Variants in MTHFSD observed in about 807,000 individuals in gnomAD.
MTHFSD encodes methenyltetrahydrofolate synthetase domain containing, also known as methenyltetrahydrofolate synthase domain-containing protein.
Under a neutral mutation model 31.1 loss-of-function variants are expected in MTHFSD, and 37 were observed. That is an observed-to-expected ratio of 1.19 (90% CI 0.91 to 1.56). MTHFSD has a LOEUF of 1.56. Ranked by LOEUF, MTHFSD falls within the 40% of genes most tolerant of loss-of-function variation. MTHFSD has a pLI of 0.00. For missense variants in MTHFSD, 664 were observed against 510.1 expected (o/e 1.30, Z -2.91); for synonymous variants, 221 against 206.9 (o/e 1.07, Z -0.59).
Position 86,530,773 on chromosome 16 carries a change from A to T in MTHFSD, c.*1238T>A, listed in dbSNP as rs891936705. On this transcript the variant is annotated 3_prime_UTR_variant, in exon 8 of 8. Transcript: ENST00000360900. ...TGAATGCCCAATGACAAACGTGACC[A>T]GCCGTGCGGGCGGGGGCAAGGCCAA... 3 of 152,294 alleles carry T rather than the reference A, an allele frequency of 2.0e-5. No individual in the cohort carries two copies. Among genetic ancestry groups the T allele is most frequent in the African/African-American group, 7.2e-5 (3 of 41,470 alleles). The allele number at this position is 152,294 out of a possible 1,614,324, so 9.4% of individuals were successfully genotyped here.
chr16:86,550,967 C>A lies in MTHFSD; in HGVS notation c.237+1066G>T, dbSNP rs561513787. On this transcript the variant is annotated intron_variant, in intron 3 of 7. Transcript: ENST00000360900. Reference sequence around the variant, plus strand: ...CTTGGGTGGGAGAATGGAGTCAGCACACAACGCATGGCAGCGTTAAGGCAG... The same window carrying A: ...CTTGGGTGGGAGAATGGAGTCAGCAAACAACGCATGGCAGCGTTAAGGCAG... Among the ~76,000 whole-genome samples, 12 of 152,318 alleles carry A rather than the reference C, an allele frequency of 7.9e-5. No individual in the cohort carries two copies. In the South Asian group the frequency reaches 1.2e-3, roughly 16 times the overall value.
intron 4 of MTHFSD, chr16:86,547,543 G>C (rs891574196): frequency 1.0e-5 from 10 of 986,546 alleles, no homozygotes; most frequent in Non-Finnish European, 1.2e-5. Flanking sequence ...CATCTCGCAG[G>C]GTCCACGGGG....
chr16:86,541,850 G>A (rs368516318), intron 6 of MTHFSD, 28 bp from the exon 7 acceptor site: 261 of 1,612,668 alleles, frequency 1.6e-4, no homozygotes, highest in Middle Eastern at 3.3e-4. Flanking sequence ...GGATAAAGGG[G>A]CTGCTGGGAA....
intron 3 of MTHFSD, among the ~76,000 whole-genome samples, chr16:86,549,192 G>A (rs776130686): frequency 3.9e-5 from 6 of 152,200 alleles, no homozygotes; most frequent in Non-Finnish European, 7.3e-5. Context: ...GCGCATCAGC[G>A]CTCCTGGCAC....
intron 7 of MTHFSD, among the ~76,000 whole-genome samples, chr16:86,539,604 T>C (rs1325966123): frequency 6.6e-6 from 1 of 152,206 alleles, no homozygotes; most frequent in East Asian, 1.9e-4. Context: ...GGCCACCTGG[T>C]TTCCTTTCTT....
chr16:86,549,560 G>A (rs1301124618), intron 3 of MTHFSD, among the ~76,000 whole-genome samples: 1 of 152,182 alleles, frequency 6.6e-6, no homozygotes, highest in Non-Finnish European at 1.5e-5. Context: ...GGCAGTGTTG[G>A]AGTCCTGTGC....
In MTHFSD at chr16:86,531,876, A is replaced by G. The variant is rs1266569907; in HGVS notation, c.*135T>C. 5 of 538,598 alleles carry G rather than the reference A, an allele frequency of 9.3e-6. No homozygotes were observed. The highest frequency in any genetic ancestry group is 1.5e-5 in the Non-Finnish European group (5 of 330,464). The allele number at this position is 538,598 out of a possible 1,614,324, so 33.4% of individuals were successfully genotyped here. ...GTTCACTGAGCGGTGACTTCTGAGA[A>G]GAATTGAGACCCGAGCAGCTCAGGC... On this transcript the variant is annotated 3_prime_UTR_variant, in exon 8 of 8. Coordinates refer to ENST00000360900, the MANE Select transcript of MTHFSD (RefSeq NM_001159377.2). The surrounding 1 kb of genome is among the most constrained non-coding windows in gnomAD (Gnocchi z 5.5).
intron 7 of MTHFSD, chr16:86,535,432 C>T: frequency 5.1e-6 from 5 of 985,408 alleles, no homozygotes; most frequent in Non-Finnish European, 6.0e-6. Flanking sequence ...AGCAGGGTGT[C>T]TGGACGTCAT....
At chr16:86,534,560 CTCAGAAAGT>C (rs1297580423) in intron 7 of MTHFSD, among the ~76,000 whole-genome samples, 5 of 152,180 alleles carry the variant, frequency 3.3e-5, no homozygotes, top group African/African-American at 1.2e-4. Context: ...ATTCCACCTT[CTCAGAAAGT>C]TCAGGCTTTT....
chr16:86,547,397 C>G lies in MTHFSD; in HGVS notation c.352-748G>C, dbSNP rs918707080. ...AGCAGTAACTGATCATTCGATGTGG[C>G]GGTGGGATCTGCCTGCAGTGCTATG... On this transcript the variant is annotated intron_variant, in intron 4 of 7. Transcript: ENST00000360900. The G allele has an allele frequency of 2.8e-5, 28 of 985,696 alleles. No homozygotes were observed. The South Asian group carries it at 1.1e-3, about 38-fold the overall frequency. 61.1% of individuals were successfully genotyped at this position (985,696 alleles called of 1,614,324 possible). A position where few individuals can be genotyped will look rare whatever the true frequency, so the allele number is the denominator to read the frequency against.
chr16:86,550,487 A>G (rs576652320), intron 3 of MTHFSD, among the ~76,000 whole-genome samples: 19 of 152,298 alleles, frequency 1.2e-4, no homozygotes, highest in Non-Finnish European at 2.2e-4. Context: ...CACACTTGCA[A>G]GGACTGGCTC....
intron 7 of MTHFSD, among the ~76,000 whole-genome samples, chr16:86,536,265 T>C (rs1057475991): frequency 1.3e-5 from 2 of 152,224 alleles, no homozygotes; most frequent in African/African-American, 4.8e-5. Context: ...TTTAAGACAC[T>C]TCCAAATAGC....
chr16:86,540,743 G>A (rs931945698), intron 7 of MTHFSD: 1 of 990,278 alleles, frequency 1.0e-6, no homozygotes, highest in Non-Finnish European at 1.2e-6. Context: ...TTTCCTGGAA[G>A]AGCAGTGACC....
In MTHFSD at chr16:86,532,386, GTGC is replaced by G. The variant is rs777050483; in HGVS notation, c.774_776del (p.Glu258_His259delinsAsp). 2.6e-6 allele frequency: 4 copies of G among 1,566,478 alleles called. No individual in the cohort carries two copies. The highest frequency in any genetic ancestry group is 3.5e-6 in the Non-Finnish European group (4 of 1,157,328). ...GGCAGCCTGGTTCCGGAAGGTGCTG[GTGC>G]TCACCCTGGAGGGTGACATCCTTCC... is the stretch of plus-strand genomic sequence containing the variant. On this transcript the variant is annotated inframe_deletion, in exon 8 of 8. Transcript: ENST00000360900.
rs369129897 is a variant in MTHFSD at position 86,541,658 on chromosome 16, C to A, written c.681+39G>T. On this transcript the variant is annotated intron_variant, in intron 7 of 7. Coordinates refer to ENST00000360900, the MANE Select transcript of MTHFSD (RefSeq NM_001159377.2). ...AAAACACTTAAAAGAGGAGGAGCCG[C>A]TAAGCTACAGGCCAGAGCTGGCCAC... 6.9e-6 allele frequency: 11 copies of A among 1,599,100 alleles called. No homozygotes were observed. The African/African-American group carries it at 1.3e-4, about 19-fold the overall frequency.
rs566144613 is a variant in MTHFSD, at chr16:86,536,339, C to T, written c.682-3858G>A. The stretch of plus-strand genomic sequence containing the variant: ...GAGAGCACAGGGAAGGCCAAGGGAC[C>T]GTGCTGCCTTCCGTAAACATAAACG... On this transcript the variant is annotated intron_variant, in intron 7 of 7. Coordinates refer to ENST00000360900, the MANE Select transcript of MTHFSD (RefSeq NM_001159377.2). 5.9e-5 allele frequency among the ~76,000 whole-genome samples: 9 copies of T among 152,324 alleles called. No homozygotes were observed. In the East Asian group the frequency reaches 1.2e-3, roughly 20 times the overall value.
intron 2 of MTHFSD, among the ~76,000 whole-genome samples, chr16:86,554,232 CT>C (rs1392009871): frequency 6.6e-6 from 1 of 152,208 alleles, no homozygotes; most frequent in Non-Finnish European, 1.5e-5. Flanking sequence ...AGGTCTGCAG[CT>C]TCACTCCTGA....
chr16:86,542,725 A>G lies in MTHFSD; in HGVS notation c.443-512T>C, dbSNP rs7204197. Among the ~76,000 whole-genome samples the G allele has an allele frequency of 0.22, 34,192 of 152,134 alleles. 4,434 individuals are homozygous for G. The highest frequency in any genetic ancestry group is 0.41 in the East Asian group (2,139 of 5,176). ...CCAGGTCCTGAGGGACGGTTTAAGC[A>G]GTACTAAAGCGTTTTGCAAATTTGT... On this transcript the variant is annotated intron_variant, in intron 5 of 7. Transcript: ENST00000360900. The surrounding 1 kb of genome is among the most constrained non-coding windows in gnomAD (Gnocchi z 4.6).
intron 4 of MTHFSD, chr16:86,548,055 T>A: frequency 7.8e-7 from 1 of 1,290,118 alleles, no homozygotes. Context: ...TGAGGCAATT[T>A]CCAATGGAGC....
Sources: gnomAD v4.1 joint callset for allele counts (sites outside exome capture counted in the v4.1 genomes callset) on GRCh38, gnomAD v4.1.1 for gene constraint, Gnocchi (gnomAD v3.1) non-coding constraint, MANE v1.5 for transcripts, NCBI Gene and HGNC (gene_info 2026-07-23, HGNC 2026-07-21) for gene names.